Variants in LAMC1 observed in about 807,000 individuals in gnomAD.
LAMC1 encodes the protein laminin subunit gamma 1.
In LAMC1, 38 loss-of-function variants were observed where a neutral mutation model predicts 173.6. That is an observed-to-expected ratio of 0.22 (90% CI 0.17 to 0.29). The LOEUF (loss-of-function observed/expected upper bound fraction) is 0.29. Ranked by LOEUF, LAMC1 falls within the 10% of genes least tolerant of loss-of-function variation. The probability of loss-of-function intolerance (pLI) is 1.00; values close to 1 mark genes in which losing one functional copy is unlikely to be tolerated. For synonymous variants in LAMC1, 746 were observed against 749.1 expected (o/e 1.00, Z 0.07); for missense variants, 1,824 against 2,051.8 (o/e 0.89, Z 2.14).
rs769233620 is a variant in LAMC1, at chr1:183,108,231, G to A, written c.724-45G>A. The A allele has an allele frequency of 2.5e-6, 4 of 1,584,632 alleles. No homozygotes were observed. The South Asian group carries it at 4.5e-5, about 18-fold the overall frequency. ...TTTTGTCACATTTATATCATTTTCA[G>A]TCCCTCCACTTCTCTTTTATGTTTC... On this transcript the variant is annotated intron_variant, in intron 2 of 27. Transcript: ENST00000258341.
chr1:183,087,887 C>T (rs528495571), intron 1 of LAMC1, among the ~76,000 whole-genome samples: 1 of 151,218 alleles, frequency 6.6e-6, no homozygotes, highest in Non-Finnish European at 1.5e-5. Flanking sequence ...GATGTCGGCT[C>T]ACCACAACCT....
chr1:183,047,035 G>A (rs999471107), intron 1 of LAMC1, among the ~76,000 whole-genome samples: 5 of 152,022 alleles, frequency 3.3e-5, no homozygotes, highest in African/African-American at 1.2e-4. Context: ...TTCTTTTGCT[G>A]TAAGGCCATT....
intron 1 of LAMC1, among the ~76,000 whole-genome samples, chr1:183,099,176 C>T (rs1431885774): frequency 6.6e-6 from 1 of 152,044 alleles, no homozygotes; most frequent in Non-Finnish European, 1.5e-5. Flanking sequence ...GCAACCTCCG[C>T]CTCCTGAGTT....
chr1:183,134,677 A>G lies in LAMC1; in HGVS notation c.3867A>G (p.Ile1289Met), dbSNP rs768750014. 9 of 1,611,498 alleles carry G rather than the reference A, an allele frequency of 5.6e-6. No homozygotes were observed. Among genetic ancestry groups the G allele is most frequent in the Non-Finnish European group, 7.6e-6 (9 of 1,179,158 alleles). ...TTTCACAGAATGAAGCAAATAACAT[A>G]AAGATGGAAGCTGAGAATCTGGAAC... ...SETLENEANN[I>M]KMEAENLEQL... is the part of the protein sequence containing the mutation. The change falls in exon 23 of 28, where the codon ATA becomes ATG. Residue 1289 changes from isoleucine to methionine, a missense_variant. Coordinates refer to ENST00000258341, the MANE Select transcript of LAMC1 (RefSeq NM_002293.4).
In LAMC1 at chr1:183,125,667, G is replaced by A. The variant is rs10797850; in HGVS notation, c.2801+117G>A. 0.4 allele frequency: 298,601 copies of A among 742,090 alleles called. 62,708 individuals are homozygous for A. The highest frequency in any genetic ancestry group is 0.46 in the East Asian group (16,235 of 35,258). 46.0% of individuals were successfully genotyped at this position (742,090 alleles called of 1,614,324 possible). A position where few individuals can be genotyped will look rare whatever the true frequency, so the allele number is the denominator to read the frequency against. On this transcript the variant is annotated intron_variant, in intron 15 of 27. Coordinates refer to ENST00000258341, the MANE Select transcript of LAMC1 (RefSeq NM_002293.4). ...AGAAATTACTGGAGCGCCTAATGTA[G>A]GCAAGGCATCCTTCAGGGGCAGTGC... is the stretch of plus-strand genomic sequence containing the variant.
rs754840077 is a variant in LAMC1 at position 183,121,878 on chromosome 1, G to A, written c.2146G>A (p.Gly716Arg). 6.8e-6 allele frequency: 11 copies of A among 1,614,148 alleles called. No individual in the cohort carries two copies. In the South Asian group the frequency reaches 1.2e-4, roughly 18 times the overall value. Reference sequence around the variant, plus strand: ...TTACAGAAGAGAAACTCCTAATCTTGGACCATACAGTCCATGTGTGCTTTG... The same window carrying A: ...TTACAGAAGAGAAACTCCTAATCTTAGACCATACAGTCCATGTGTGCTTTG... ...SGYRRETPNLGPYSPCVLCAC... is the reference protein window; with the variant it reads ...SGYRRETPNLRPYSPCVLCAC... Residue 716 changes from glycine (G) to arginine (R), a missense_variant, in exon 12 of 28, where the codon GGA becomes AGA. Gly to Arg is a moderately radical substitution (Grantham distance 125). Coordinates refer to ENST00000258341, the MANE Select transcript of LAMC1 (RefSeq NM_002293.4).
At chr1:183,098,636 A>G (rs1021097951) in intron 1 of LAMC1, among the ~76,000 whole-genome samples, 2 of 152,182 alleles carry the variant, frequency 1.3e-5, no homozygotes, top group African/African-American at 4.8e-5. Context: ...CACTCTGTTC[A>G]AATATTCCCC....
rs1165749130 is a variant in LAMC1, at chr1:183,117,429, C to T, written c.1674C>T (p.Tyr558=). ...AVISDSYFPR[Y]FIAPAKFLGK... is the part of the protein sequence containing the mutation. ...TCTCAGACAGCTACTTTCCTCGGTA[C>T]TTCATTGCTCCTGGTAAGTAAGGCT... is the stretch of plus-strand genomic sequence containing the variant. The change falls in exon 9 of 28, where the codon TAC becomes TAT. Residue 558 remains tyrosine (Y), a synonymous_variant. Transcript: ENST00000258341. 6.2e-7 allele frequency: 1 copy of T among 1,613,460 alleles called. No homozygotes were observed. The highest frequency in any genetic ancestry group is 8.5e-7 in the Non-Finnish European group (1 of 1,179,420).
At chr1:183,062,615 A>G (rs914479628) in intron 1 of LAMC1, among the ~76,000 whole-genome samples, 1 of 152,182 alleles carries the variant, frequency 6.6e-6, no homozygotes, top group African/African-American at 2.4e-5. Context: ...ACTACGCTCC[A>G]GCCTGGGTGA....
intron 1 of LAMC1, among the ~76,000 whole-genome samples, chr1:183,035,636 A>G (rs1165437063): frequency 1.3e-5 from 2 of 152,200 alleles, no homozygotes; most frequent in African/African-American, 4.8e-5. Flanking sequence ...TGATAGAAAA[A>G]ATATGCTCTA....
chr1:183,128,905 A>G, intron 18 of LAMC1, 155 bp downstream of exon 18: 1 of 488,162 alleles, frequency 2.0e-6, no homozygotes, highest in Non-Finnish European at 3.3e-6. Flanking sequence ...CACTAATTCA[A>G]AAAGCAACCT....
chr1:183,132,628 G>T, intron 21 of LAMC1, 91 bp downstream of exon 21: 1 of 963,208 alleles, frequency 1.0e-6, no homozygotes. Context: ...GTGCATTCAG[G>T]GCATACATTC....
At chr1:183,127,746 T>TAC (rs1216436467) in intron 17 of LAMC1, among the ~76,000 whole-genome samples, 1 of 152,148 alleles carries the variant, frequency 6.6e-6, no homozygotes. Context: ...GAACCTGGTA[T>TAC]ACAGAGGCCT....
At chr1:183,065,119 T>C (rs1654845069) in intron 1 of LAMC1, among the ~76,000 whole-genome samples, 1 of 152,074 alleles carries the variant, frequency 6.6e-6, no homozygotes, top group African/African-American at 2.4e-5. Flanking sequence ...AAAATGACAC[T>C]ACTTAAGGAC....
At chr1:183,038,306 C>T (rs4396114) in intron 1 of LAMC1, among the ~76,000 whole-genome samples, 50,543 of 152,026 alleles carry the variant, frequency 0.33, 9,621 homozygotes, top group East Asian at 0.49. Flanking sequence ...GGGTTACAGG[C>T]GTGAGCCACT....
At chr1:183,081,561 TAAA>T (rs1257497972) in intron 1 of LAMC1, among the ~76,000 whole-genome samples, 1 of 36,508 alleles carries the variant, frequency 2.7e-5, no homozygotes, top group Non-Finnish European at 4.7e-5. Flanking sequence ...AATAAATAAA[TAAA>T]TAAATAAATA....
chr1:183,137,234 TTG>T (rs1340567409), intron 25 of LAMC1, among the ~76,000 whole-genome samples: 2 of 152,180 alleles, frequency 1.3e-5, no homozygotes, highest in Admixed American at 1.3e-4. Context: ...TATTTCAGGA[TTG>T]TGGTCTTTTT....
chr1:183,130,647 A>G, intron 19 of LAMC1, 98 bp downstream of exon 19: 2 of 855,200 alleles, frequency 2.3e-6, no homozygotes, highest in Non-Finnish European at 3.8e-6. Flanking sequence ...AACTAAATTG[A>G]CTCCATGCAT....
At chr1:183,030,190 A>T (rs1027066954) in intron 1 of LAMC1, among the ~76,000 whole-genome samples, 1 of 152,220 alleles carries the variant, frequency 6.6e-6, no homozygotes, top group Non-Finnish European at 1.5e-5. Flanking sequence ...TTTTTGCACA[A>T]TAAGGGCAGA....
Sources: gnomAD v4.1 joint callset for allele counts (sites outside exome capture counted in the v4.1 genomes callset) on GRCh38, gnomAD v4.1.1 for gene constraint, MANE v1.5 for transcripts, NCBI Gene and HGNC (gene_info 2026-07-23, HGNC 2026-07-21) for gene names.